SHROOM2: variants seen among roughly 807,000 people sequenced by gnomAD.
SHROOM2 encodes the protein protein Shroom2.
In SHROOM2, 33 loss-of-function variants were observed where a neutral mutation model predicts 75.9. The observed-to-expected ratio is 0.43, with a 90% confidence interval of 0.33 to 0.58. The LOEUF is 0.58. Among genes scored for constraint, SHROOM2 ranks in the 20% least tolerant of loss-of-function variants. SHROOM2 has a pLI of 0.04. For synonymous variants in SHROOM2, 655 were observed against 663.6 expected, an observed-to-expected ratio of 0.99 and a Z score of 0.20; for missense variants, 1,434 against 1,461.2, an observed-to-expected ratio of 0.98 and a Z score of 0.30.
intron 1 of SHROOM2, among the ~76,000 whole-genome samples, chrX:9,852,965 C>T (rs1005771120): frequency 2.7e-5 from 3 of 111,601 alleles, no homozygotes; most frequent in East Asian, 2.8e-4. Flanking sequence ...CTGCATTCTC[C>T]GGTATGCAGT....
At chrX:9,884,484 A>G (rs1165460250) in intron 2 of SHROOM2, among the ~76,000 whole-genome samples, 1 of 104,687 alleles carries the variant, frequency 9.6e-6, no homozygotes, top group Non-Finnish European at 1.9e-5. Flanking sequence ...ATAAAACAGG[A>G]TATTTGATAT....
intron 1 of SHROOM2, among the ~76,000 whole-genome samples, chrX:9,822,719 G>A (rs899575959): frequency 1.1e-4 from 12 of 112,351 alleles, no homozygotes; most frequent in Admixed American, 1.9e-4. Flanking sequence ...AAAGCTCTGC[G>A]GAGGGAATGG....
At chrX:9,788,713 C>T (rs928562451) in intron 1 of SHROOM2, among the ~76,000 whole-genome samples, 7 of 110,700 alleles carry the variant, frequency 6.3e-5, no homozygotes, top group African/African-American at 2.3e-4. Flanking sequence ...TGAATACCTT[C>T]GTCACATCGG....
intron 1 of SHROOM2, among the ~76,000 whole-genome samples, chrX:9,829,172 C>T (rs771803439): frequency 4.5e-5 from 5 of 111,842 alleles, no homozygotes; most frequent in East Asian, 2.8e-4. Context: ...TACAGGCATG[C>T]GCCACCACCC....
chrX:9,901,921 G>A, intron 5 of SHROOM2, among the ~76,000 whole-genome samples: 1 of 106,599 alleles, frequency 9.4e-6, no homozygotes. Context: ...TGGATGGAGG[G>A]ACTGGTGGAT....
intron 5 of SHROOM2, among the ~76,000 whole-genome samples, chrX:9,910,844 T>C (rs2084420244): frequency 9.1e-6 from 1 of 109,804 alleles, no homozygotes; most frequent in Admixed American, 9.7e-5. Flanking sequence ...ATGAAATATT[T>C]ATTTTTTACA....
chrX:9,833,921 T>C (rs1001230114), intron 1 of SHROOM2, among the ~76,000 whole-genome samples: 1 of 111,353 alleles, frequency 9.0e-6, no homozygotes, highest in Non-Finnish European at 1.9e-5. Flanking sequence ...CCTGGGCTTG[T>C]GTTCTACAGA....
chrX:9,930,118 A>G (rs2084633806), intron 5 of SHROOM2, among the ~76,000 whole-genome samples: 2 of 111,743 alleles, frequency 1.8e-5, no homozygotes, highest in Non-Finnish European at 3.8e-5. Context: ...AACAGGTACC[A>G]GGTGCTTTCA....
At chrX:9,885,599 C>G (rs139692310) in intron 2 of SHROOM2, among the ~76,000 whole-genome samples, 3,078 of 111,380 alleles carry the variant, frequency 0.028, 126 homozygotes, top group African/African-American at 0.095. Flanking sequence ...ACCAAGATAT[C>G]TTCAGTTAAA....
chrX:9,786,652 C>G lies in SHROOM2; in HGVS notation c.107C>G (p.Pro36Arg), dbSNP rs1394725091. The G allele has an allele frequency of 1.1e-6, 1 of 886,233 alleles. No homozygotes were observed. The highest frequency in any genetic ancestry group is 2.1e-5 in the African/African-American group (1 of 46,962). The allele number at this position is 886,233 out of a possible 1,213,427, so 73.0% of individuals were successfully genotyped here. Residue 36 changes from proline (P) to arginine (R), a missense_variant, in exon 1 of 10, where the codon CCG becomes CGG. By Grantham distance (103) the Pro-to-Arg change is moderately radical. This residue lies in a region of SHROOM2 where 1,340 missense variants were observed against 1,338.3 expected (regional missense o/e 1.00). Coordinates refer to ENST00000380913, the MANE Select transcript of SHROOM2 (RefSeq NM_001649.4). ...LVEVQLSGGA[P>R]WGFTLKGGRE... ...GAGGTGCAGCTGAGCGGCGGCGCCC[C>G]GTGGGGCTTCACCCTGAAGGGCGGC... is the stretch of plus-strand genomic sequence containing the variant.
At chrX:9,834,437 G>A (rs1446525155) in intron 1 of SHROOM2, among the ~76,000 whole-genome samples, 2 of 112,059 alleles carry the variant, frequency 1.8e-5, no homozygotes, top group African/African-American at 6.5e-5. Context: ...GGCAAGACAG[G>A]GAGGCAGAGC....
chrX:9,795,338 T>C (rs1175269865), intron 1 of SHROOM2, among the ~76,000 whole-genome samples: 2 of 111,877 alleles, frequency 1.8e-5, no homozygotes, highest in African/African-American at 6.5e-5. Context: ...GAAGATTTTG[T>C]TCAACATCAT....
chrX:9,916,714 T>C (rs1157441972), intron 5 of SHROOM2, among the ~76,000 whole-genome samples: 1 of 112,277 alleles, frequency 8.9e-6, no homozygotes, highest in East Asian at 2.8e-4. Context: ...TTTGGTGCAC[T>C]GACTAGCCAT....
intron 1 of SHROOM2, among the ~76,000 whole-genome samples, chrX:9,860,021 C>T (rs143981123): frequency 5.3e-4 from 59 of 111,810 alleles, no homozygotes; most frequent in African/African-American, 1.5e-3. Flanking sequence ...ATTTCTAATA[C>T]GTTATCCTTT....
intron 1 of SHROOM2, among the ~76,000 whole-genome samples, chrX:9,834,943 C>T (rs1048659956): frequency 3.6e-5 from 4 of 112,670 alleles, no homozygotes; most frequent in African/African-American, 1.3e-4. Context: ...TGCCACTGTG[C>T]AGAAACAGGT....
At chrX:9,828,007 A>G (rs2083896975) in intron 1 of SHROOM2, among the ~76,000 whole-genome samples, 1 of 112,333 alleles carries the variant, frequency 8.9e-6, no homozygotes, top group African/African-American at 3.2e-5. Context: ...AGGGTTTCAC[A>G]CTGCTATAAA....
At chrX:9,877,964 C>G (rs1020383633) in intron 2 of SHROOM2, among the ~76,000 whole-genome samples, 1 of 111,556 alleles carries the variant, frequency 9.0e-6, no homozygotes, top group African/African-American at 3.3e-5. Flanking sequence ...TGTCTTCTCT[C>G]TGAAATCTGC....
chrX:9,910,330 A>G (rs2084415718), intron 5 of SHROOM2, among the ~76,000 whole-genome samples: 1 of 111,719 alleles, frequency 9.0e-6, no homozygotes, highest in African/African-American at 3.3e-5. Flanking sequence ...TCAGATATTA[A>G]TAATAGGGGG....
chrX:9,827,970 C>T (rs2083896707), intron 1 of SHROOM2, among the ~76,000 whole-genome samples: 1 of 112,123 alleles, frequency 8.9e-6, no homozygotes, highest in Non-Finnish European at 1.9e-5. Flanking sequence ...AGGCTCAGGT[C>T]CTGCCCCAGT....
Sources: allele counts gnomAD v4.1 joint callset (sites outside exome capture counted in the v4.1 genomes callset), GRCh38; gene constraint gnomAD v4.1.1; regional missense constraint gnomAD v4.1.1; transcripts MANE v1.5; gene names NCBI Gene and HGNC (gene_info 2026-07-23, HGNC 2026-07-21).